Variants in DLC1 observed in about 807,000 individuals in gnomAD.
DLC1 encodes the protein DLC1 Rho GTPase activating protein.
In DLC1, 54 loss-of-function variants were observed where a neutral mutation model predicts 140.3. The ratio of observed to expected loss-of-function variants is 0.38; its 90% CI spans 0.31 to 0.48. The LOEUF (loss-of-function observed/expected upper bound fraction) is 0.48, where lower values mean the gene tolerates loss of function less well. Ranked by LOEUF, DLC1 falls within the 20% of genes least tolerant of loss-of-function variation. DLC1 has a pLI of 0.96. For synonymous variants in DLC1, 986 were observed against 728.1 expected (o/e 1.35, Z -5.70); for missense variants, 2,536 against 1,907.0 (o/e 1.33, Z -6.14).
At chr8:13,188,187 G>A (rs1163814295) in intron 5 of DLC1, among the ~76,000 whole-genome samples, 1 of 147,218 alleles carries the variant, frequency 6.8e-6, no homozygotes, top group Non-Finnish European at 1.5e-5. Flanking sequence ...GTGTTCAAGT[G>A]ATTCCTGCCT....
At chr8:13,408,248 T>A (rs1337345295) in intron 2 of DLC1, among the ~76,000 whole-genome samples, 1 of 152,230 alleles carries the variant, frequency 6.6e-6, no homozygotes, top group East Asian at 1.9e-4. Context: ...ACTATGACTA[T>A]AATATTAGGT....
In DLC1 at chr8:13,582,824, A is replaced by AT. The variant is rs147465671; in HGVS notation, c.-126+21712dup. Among the ~76,000 whole-genome samples, 136 of 135,928 alleles carry AT rather than the reference A, an allele frequency of 1.0e-3. 1 individual carries two copies. In the Middle Eastern group the frequency reaches 0.012, roughly 12 times the overall value. 89.2% of individuals were successfully genotyped at this position (135,928 alleles called of 152,430 possible). On this transcript the variant is annotated intron_variant, in intron 1 of 1. Transcript: ENST00000631382. ...ATATCTCAATAAAGTGAGTCATACA[A>AT]TTTTTTTTTGCTTCCCAGTGCATAT...
chr8:13,186,339 G>C (rs1265967439), intron 5 of DLC1, among the ~76,000 whole-genome samples: 1 of 152,138 alleles, frequency 6.6e-6, no homozygotes, highest in Non-Finnish European at 1.5e-5. Flanking sequence ...TGGAGGCTTT[G>C]TTCATTTATT....
rs1370931209 is a variant in DLC1, at chr8:13,535,763, C to T, written c.-125-35567G>A. Among the ~76,000 whole-genome samples the T allele has an allele frequency of 2.0e-5, 3 of 150,362 alleles. No homozygotes were observed. The Admixed American group carries it at 2.0e-4, about 10-fold the overall frequency. ...AGAGATTATCATCTAAGTCATTATG[C>T]TGTATTTTGAAGTATATTAATATTT... On this transcript the variant is annotated intron_variant, in intron 1 of 1. Coordinates refer to the DLC1 transcript ENST00000631382.
chr8:13,552,111 G>GTGTATATA (rs1279225632), intron 1 of DLC1, among the ~76,000 whole-genome samples: 28 of 54,534 alleles, frequency 5.1e-4, no homozygotes, highest in Non-Finnish European at 9.3e-4. Context: ...GTCTAGAGGT[G>GTGTATATA]TATATATATA....
At chr8:13,296,920 A>C (rs1831978567) in intron 5 of DLC1, among the ~76,000 whole-genome samples, 1 of 151,990 alleles carries the variant, frequency 6.6e-6, no homozygotes, top group African/African-American at 2.4e-5. Flanking sequence ...TGTTGCTTAA[A>C]ATATAATTGA....
chr8:13,277,574 A>G (rs1204333966), intron 5 of DLC1, among the ~76,000 whole-genome samples: 3 of 152,246 alleles, frequency 2.0e-5, no homozygotes, highest in South Asian at 4.1e-4. Flanking sequence ...AAATCAAAAT[A>G]TGAGCCAACT....
intron 4 of DLC1, among the ~76,000 whole-genome samples, chr8:13,337,540 AATTAGGGCACAG>A (rs1481222634): frequency 6.6e-6 from 1 of 152,154 alleles, no homozygotes; most frequent in Non-Finnish European, 1.5e-5. Flanking sequence ...TAGATGGAAA[AATTAGGGCACAG>A]ATTCTGATGC....
At chr8:13,148,081 G>C (rs1332823539) in intron 5 of DLC1, among the ~76,000 whole-genome samples, 1 of 151,984 alleles carries the variant, frequency 6.6e-6, no homozygotes, top group East Asian at 1.9e-4. Flanking sequence ...ACTGTTTTGT[G>C]TTGTGCTGTG....
intron 5 of DLC1, among the ~76,000 whole-genome samples, chr8:13,136,415 A>G (rs911001433): frequency 3.3e-5 from 5 of 152,112 alleles, no homozygotes; most frequent in African/African-American, 1.2e-4. Flanking sequence ...GCTCCCACTT[A>G]TAAGTGAGAA....
chr8:13,225,139 A>T (rs569578715), intron 5 of DLC1, among the ~76,000 whole-genome samples: 26 of 152,330 alleles, frequency 1.7e-4, no homozygotes, highest in Admixed American at 1.1e-3. Context: ...TGCCATTTTA[A>T]ATAGAAAGCT....
chr8:13,598,284 C>T (rs1847756378), intron 1 of DLC1, among the ~76,000 whole-genome samples: 1 of 152,006 alleles, frequency 6.6e-6, no homozygotes, highest in African/African-American at 2.4e-5. Context: ...GTGCTTGCTG[C>T]TAGCCAGAGG....
At chr8:13,416,898 A>C (rs569448573) in intron 2 of DLC1, among the ~76,000 whole-genome samples, 1 of 151,930 alleles carries the variant, frequency 6.6e-6, no homozygotes, top group African/African-American at 2.4e-5. Flanking sequence ...TTTTTTTTTC[A>C]CTACCTCTAT....
chr8:13,367,840 G>A (rs990581127), intron 4 of DLC1, among the ~76,000 whole-genome samples: 2 of 152,172 alleles, frequency 1.3e-5, no homozygotes, highest in African/African-American at 2.4e-5. Context: ...GATTCTTCAA[G>A]TTACATTTGC....
At chr8:13,583,326 A>G (rs2117450600) in intron 1 of DLC1, among the ~76,000 whole-genome samples, 1 of 152,322 alleles carries the variant, frequency 6.6e-6, no homozygotes, top group Middle Eastern at 3.4e-3. Flanking sequence ...AACAATTTTC[A>G]CAGCATCTTC....
At chr8:13,225,869 C>A (rs943385609) in intron 5 of DLC1, among the ~76,000 whole-genome samples, 1 of 152,072 alleles carries the variant, frequency 6.6e-6, no homozygotes, top group Non-Finnish European at 1.5e-5. Flanking sequence ...CCTGCCTTGG[C>A]CTCCGACTGT....
At position 13,272,471 on chromosome 8, in the gene DLC1, A is replaced by G. The variant is rs116961208; in HGVS notation, c.1348+32798T>C. On this transcript the variant is annotated intron_variant, in intron 5 of 17. Transcript: ENST00000276297. ...ACAAACAAACAAACAAACAAAAAAGACTAGTATTTAATTTCTTTCAGCTTA... is the reference window on the plus strand; with the variant it reads ...ACAAACAAACAAACAAACAAAAAAGGCTAGTATTTAATTTCTTTCAGCTTA... 3.0e-4 allele frequency among the ~76,000 whole-genome samples: 45 copies of G among 152,256 alleles called. No individual in the cohort carries two copies. In the East Asian group the frequency reaches 7.4e-3, roughly 25 times the overall value.
chr8:13,503,179 C>T (rs568981149), intron 1 of DLC1, among the ~76,000 whole-genome samples: 3 of 152,044 alleles, frequency 2.0e-5, no homozygotes, highest in Admixed American at 6.6e-5. Context: ...CTGAGGTGTG[C>T]GGATCACTTG....
intron 4 of DLC1, among the ~76,000 whole-genome samples, chr8:13,330,588 T>G (rs1209352458): frequency 6.6e-6 from 1 of 152,146 alleles, no homozygotes; most frequent in Non-Finnish European, 1.5e-5. Context: ...CTAGCTACCT[T>G]CCTCTACGTC....
Sources: allele counts gnomAD v4.1 joint callset (sites outside exome capture counted in the v4.1 genomes callset), GRCh38; gene constraint gnomAD v4.1.1; transcripts MANE v1.5; gene names NCBI Gene and HGNC (gene_info 2026-07-23, HGNC 2026-07-21).